Variants in EFCAB6 observed in about 807,000 individuals in gnomAD.
EFCAB6 encodes EF-hand calcium binding domain 6.
In EFCAB6, 156 loss-of-function variants were observed where a neutral mutation model predicts 169.8. That is an observed-to-expected ratio of 0.92 (90% CI 0.81 to 1.05). EFCAB6 has a LOEUF of 1.05. Among genes scored for constraint, EFCAB6 ranks in the 50% least tolerant of loss-of-function variants. The pLI, the probability that EFCAB6 is intolerant of heterozygous loss-of-function variation, is 0.00. For missense variants in EFCAB6, 1,800 were observed against 1,829.1 expected, an observed-to-expected ratio of 0.98 and a Z score of 0.29; for synonymous variants, 698 against 676.4, an observed-to-expected ratio of 1.03 and a Z score of -0.50.
chr22:43,752,082 C>T (rs2060790238), intron 6 of EFCAB6, among the ~76,000 whole-genome samples: 1 of 150,570 alleles, frequency 6.6e-6, no homozygotes, highest in African/African-American at 2.4e-5. Context: ...GTTGCCTTCC[C>T]AAATCCATTC....
intron 6 of EFCAB6, among the ~76,000 whole-genome samples, chr22:43,742,169 C>T (rs2060397979): frequency 6.6e-6 from 1 of 152,112 alleles, no homozygotes. Context: ...ATTTCGTACA[C>T]CTGCAAGCTA....
intron 6 of EFCAB6, among the ~76,000 whole-genome samples, chr22:43,753,271 C>A (rs1434564279): frequency 6.6e-6 from 1 of 152,138 alleles, no homozygotes; most frequent in Non-Finnish European, 1.5e-5. Context: ...CACAGAGGAG[C>A]CACATGAAAG....
chr22:43,672,755 A>C (rs1261047124), intron 13 of EFCAB6, among the ~76,000 whole-genome samples: 1 of 152,146 alleles, frequency 6.6e-6, no homozygotes, highest in Non-Finnish European at 1.5e-5. Flanking sequence ...GATCAGGAAA[A>C]ATATAATAAC....
intron 13 of EFCAB6, among the ~76,000 whole-genome samples, chr22:43,672,861 C>T (rs1297852036): frequency 6.7e-6 from 1 of 149,710 alleles, no homozygotes; most frequent in Non-Finnish European, 1.5e-5. Context: ...CGCATTTGTA[C>T]CCCTGAACTT....
intron 8 of EFCAB6, among the ~76,000 whole-genome samples, chr22:43,727,485 GTT>G (rs2059781131): frequency 6.6e-6 from 1 of 152,144 alleles, no homozygotes; most frequent in Non-Finnish European, 1.5e-5. Context: ...AAATAACAGT[GTT>G]TGAGAATGTA....
intron 21 of EFCAB6, among the ~76,000 whole-genome samples, chr22:43,610,544 C>G (rs1468772532): frequency 6.6e-6 from 1 of 152,164 alleles, no homozygotes; most frequent in Non-Finnish European, 1.5e-5. Context: ...CAGGGTTGAG[C>G]AGTTTTGACA....
intron 22 of EFCAB6, among the ~76,000 whole-genome samples, chr22:43,605,385 C>T (rs1285049528): frequency 2.0e-5 from 3 of 152,192 alleles, no homozygotes; most frequent in Non-Finnish European, 4.4e-5. Flanking sequence ...TGGCTCATGC[C>T]TGTAATCCCA....
chr22:43,667,263 GA>G lies in EFCAB6; in HGVS notation c.1823del (p.Leu608ProfsTer8), dbSNP rs2057306204. On this transcript the variant is annotated frameshift_variant, in exon 17 of 32. Transcript: ENST00000262726. LOFTEE classifies it high-confidence loss of function. ...QQPDLSERTK[L>X]TEDKTTLTKK... ...TGGTCAGGGTGGTTTTATCCTCCGT[GA>G]GCTTGGTTCTAAAATCACAAGCAGG... The G allele has an allele frequency of 6.2e-7, 1 of 1,613,252 alleles. No homozygotes were observed. Among genetic ancestry groups the G allele is most frequent in the South Asian group, 1.1e-5 (1 of 90,922 alleles).
In EFCAB6 at chr22:43,726,276, CAAAA is replaced by C. The variant is rs3994547; in HGVS notation, c.757+5419_757+5422del. ...CAGAAGAAAAAATGTAAAAATTCAC[CAAAA>C]AAAAAAAAAAAAAAAAAAAAGACAG... is the stretch of plus-strand genomic sequence containing the variant. On this transcript the variant is annotated intron_variant, in intron 8 of 31. Coordinates refer to ENST00000262726, the MANE Select transcript of EFCAB6 (RefSeq NM_022785.4). Among the ~76,000 whole-genome samples, 473 of 59,388 alleles carry C rather than the reference CAAAA, an allele frequency of 8.0e-3. 9 individuals are homozygous for C. Among genetic ancestry groups the C allele is most frequent in the African/African-American group, 0.028 (381 of 13,702 alleles). The allele number at this position is 59,388 out of a possible 152,430, so 39.0% of individuals were successfully genotyped here.
chr22:43,607,411 G>C (rs1289482009), intron 22 of EFCAB6, among the ~76,000 whole-genome samples: 1 of 152,112 alleles, frequency 6.6e-6, no homozygotes, highest in African/African-American at 2.4e-5. Flanking sequence ...CCAAAGACAG[G>C]GACCATGTTG....
chr22:43,594,723 C>CAGGAA (rs2051863934), intron 23 of EFCAB6, among the ~76,000 whole-genome samples: 1 of 152,206 alleles, frequency 6.6e-6, no homozygotes, highest in Non-Finnish European at 1.5e-5. Context: ...ATGGGCAGAT[C>CAGGAA]ATCCAGACAG....
At chr22:43,731,930 A>G (rs1298517760) in intron 7 of EFCAB6, 119 bp from the exon 8 acceptor site, 1 of 533,738 alleles carries the variant, frequency 1.9e-6, no homozygotes, top group African/African-American at 2.0e-5. Flanking sequence ...TTCTAGCTAC[A>G]GAGGGAATTA....
At chr22:43,770,432 CA>C (rs1181397773) in intron 4 of EFCAB6, among the ~76,000 whole-genome samples, 1 of 152,182 alleles carries the variant, frequency 6.6e-6, no homozygotes, top group Non-Finnish European at 1.5e-5. Context: ...AGGTGACTAA[CA>C]TGTGAAAATT....
chr22:43,675,518 TTTA>T lies in EFCAB6; in HGVS notation c.1419+2475_1419+2477del, dbSNP rs1469897108. 6.4e-5 allele frequency among the ~76,000 whole-genome samples: 9 copies of T among 140,148 alleles called. No homozygotes were observed. In the South Asian group the frequency reaches 8.6e-4, roughly 13 times the overall value. The allele number at this position is 140,148 out of a possible 152,430, so 91.9% of individuals were successfully genotyped here. On this transcript the variant is annotated intron_variant, in intron 13 of 31. Transcript: ENST00000262726. ...ATATAGGATTTAATATAATATAGGA[TTTA>T]TTAAGTAAGCAATAAATCAGTGTAC...
rs1011674091 is a variant in EFCAB6 at position 43,749,863 on chromosome 22, T to C, written c.507+5903A>G. On this transcript the variant is annotated intron_variant, in intron 6 of 31. Transcript: ENST00000262726. ...GCCCAGCACTACGGTGAGTTCATTT[T>C]ATATTTATTCTCACACAGAATCCCA... is the stretch of plus-strand genomic sequence containing the variant. 1.6e-4 allele frequency among the ~76,000 whole-genome samples: 24 copies of C among 152,230 alleles called. 1 individual carries two copies. The highest frequency in any genetic ancestry group is 1.2e-3 in the Admixed American group (18 of 15,286).
intron 10 of EFCAB6, among the ~76,000 whole-genome samples, chr22:43,710,842 G>C (rs1316514768): frequency 1.3e-5 from 2 of 152,148 alleles, no homozygotes; most frequent in African/African-American, 4.8e-5. Flanking sequence ...TATCAATTTA[G>C]GGTAGGGAGT....
intron 24 of EFCAB6, among the ~76,000 whole-genome samples, chr22:43,586,427 C>T (rs541231308): frequency 3.9e-5 from 5 of 129,778 alleles, no homozygotes; most frequent in African/African-American, 1.5e-4. Context: ...TAGCTCATTG[C>T]AGCCTTGAAT....
intron 2 of EFCAB6, among the ~76,000 whole-genome samples, chr22:43,792,581 G>A (rs759011689): frequency 2.8e-4 from 43 of 152,306 alleles, no homozygotes; most frequent in Non-Finnish European, 4.9e-4. Context: ...GACTCGCGGA[G>A]TCAAGAAATG....
intron 23 of EFCAB6, among the ~76,000 whole-genome samples, chr22:43,598,140 C>T (rs958250016): frequency 6.6e-6 from 1 of 151,682 alleles, no homozygotes; most frequent in African/African-American, 2.4e-5. Context: ...AGCCCCATCT[C>T]TACTAAAAAT....
Sources: gnomAD v4.1 joint callset for allele counts (sites outside exome capture counted in the v4.1 genomes callset) on GRCh38, gnomAD v4.1.1 for gene constraint, MANE v1.5 for transcripts, NCBI Gene and HGNC (gene_info 2026-07-23, HGNC 2026-07-21) for gene names.